Variants in APOO observed in about 807,000 individuals in gnomAD.
The protein encoded by APOO is apolipoprotein O.
Under a neutral mutation model 23.1 loss-of-function variants are expected in APOO, and 11 were observed. The ratio of observed to expected loss-of-function variants is 0.48; its 90% CI spans 0.30 to 0.79. The LOEUF is 0.79. APOO is among the 30% of genes least tolerant of loss of function. APOO has a pLI of 0.07. For synonymous variants in APOO, 59 were observed against 54.8 expected, an observed-to-expected ratio of 1.08 and a Z score of -0.34; for missense variants, 160 against 142.7, an observed-to-expected ratio of 1.12 and a Z score of -0.62.
intron 1 of APOO, among the ~76,000 whole-genome samples, chrX:23,888,501 A>G (rs978804730): frequency 1.8e-5 from 2 of 111,796 alleles, no homozygotes; most frequent in African/African-American, 6.5e-5. Flanking sequence ...GCTTCCAGGA[A>G]GCTTATGAAT....
chrX:23,873,670 T>C (rs918167263), intron 4 of APOO, among the ~76,000 whole-genome samples: 6 of 111,450 alleles, frequency 5.4e-5, no homozygotes, highest in African/African-American at 2.0e-4. Context: ...ACGATAAATT[T>C]ATCTGACAGT....
At chrX:23,849,739 A>G (rs1924443715) in intron 7 of APOO, among the ~76,000 whole-genome samples, 1 of 108,771 alleles carries the variant, frequency 9.2e-6, no homozygotes, top group Admixed American at 1.0e-4. Flanking sequence ...TAAAAATACA[A>G]AAATTAGGCG....
At chrX:23,906,840 G>A (rs183368851) in intron 1 of APOO, among the ~76,000 whole-genome samples, 1 of 112,200 alleles carries the variant, frequency 8.9e-6, no homozygotes, top group African/African-American at 3.2e-5. Context: ...GGACTAGAAG[G>A]CAGAATGCAT....
rs768247035 is a variant in APOO at position 23,840,331 on chromosome X, CATGGAGTT to C, written c.*3_*10del. ...TTTTTACCTGATTAAGATGGCAGAG[CATGGAGTT>C]TTCTACTTAGTTCCAGGTGAATTCT... On this transcript the variant is annotated 3_prime_UTR_variant, in exon 8 of 9. Transcript: ENST00000379226. 1 of 1,189,873 alleles carries C rather than the reference CATGGAGTT, an allele frequency of 8.4e-7. No individual in the cohort carries two copies. The highest frequency in any genetic ancestry group is 1.9e-5 in the South Asian group (1 of 51,932).
At chrX:23,878,842 T>C in intron 3 of APOO, 73 bp downstream of exon 3, 1 of 1,114,089 alleles carries the variant, frequency 9.0e-7, no homozygotes, top group South Asian at 2.1e-5. Context: ...TCCAAAAACA[T>C]GCAGCCAATA....
At chrX:23,874,533 T>C in intron 3 of APOO, 76 bp from the exon 4 acceptor site, 5 of 824,607 alleles carry the variant, frequency 6.1e-6, no homozygotes, top group Non-Finnish European at 5.5e-6. Context: ...ATAAATATAC[T>C]TGTTTTTACT....
intron 5 of APOO, among the ~76,000 whole-genome samples, chrX:23,864,291 G>A (rs112555794): frequency 0.017 from 1,782 of 105,466 alleles, 32 homozygotes; most frequent in African/African-American, 0.053. Context: ...CACCATACCC[G>A]GCTGATTTGT....
intron 1 of APOO, among the ~76,000 whole-genome samples, chrX:23,885,304 CAGG>C (rs1271675891): frequency 9.2e-6 from 1 of 109,274 alleles, no homozygotes; most frequent in East Asian, 2.9e-4. Flanking sequence ...GAGGCTGAGG[CAGG>C]AGAATTGCTT....
At chrX:23,846,392 C>T (rs370553409) in intron 7 of APOO, among the ~76,000 whole-genome samples, 1 of 105,477 alleles carries the variant, frequency 9.5e-6, no homozygotes, top group Non-Finnish European at 1.9e-5. Flanking sequence ...GAGGCTGAGG[C>T]GGGTGGATCA....
chrX:23,836,643 C>T lies in APOO; in HGVS notation c.*30-3031G>A, dbSNP rs1231695847. 230 of 524,667 alleles carry T rather than the reference C, an allele frequency of 4.4e-4. 3 individuals carry two copies. The highest frequency in any genetic ancestry group is 4.0e-3 in the Admixed American group (68 of 17,037). 43.2% of individuals were successfully genotyped at this position (524,667 alleles called of 1,213,427 possible). ...CTAATTTCTTTTTTTTTTTTTTTTC[C>T]CCAAATCAATAGGTCTTTTATTGCA... is the stretch of plus-strand genomic sequence containing the variant. On this transcript the variant is annotated intron_variant, in intron 8 of 8. Transcript: ENST00000379226.
At chrX:23,858,913 C>T (rs760286358) in intron 5 of APOO, among the ~76,000 whole-genome samples, 180 bp from the exon 6 acceptor site, 1 of 111,550 alleles carries the variant, frequency 9.0e-6, no homozygotes, top group Admixed American at 9.6e-5. Flanking sequence ...CCAGCCTGGG[C>T]AACATAGTCA....
At chrX:23,860,691 T>TC (rs1368441768) in intron 5 of APOO, among the ~76,000 whole-genome samples, 8 of 108,244 alleles carry the variant, frequency 7.4e-5, no homozygotes, top group Non-Finnish European at 1.5e-4. Flanking sequence ...TTTTTTTTTT[T>TC]CTGTAGTTTT....
At chrX:23,867,542 CCT>C (rs1208637527) in intron 5 of APOO, among the ~76,000 whole-genome samples, 1 of 110,874 alleles carries the variant, frequency 9.0e-6, no homozygotes, top group Non-Finnish European at 1.9e-5. Context: ...GCCAAATAAA[CCT>C]CTTTTTTTTT....
intron 1 of APOO, among the ~76,000 whole-genome samples, chrX:23,899,068 C>T (rs1927023260): frequency 8.9e-6 from 1 of 112,301 alleles, no homozygotes; most frequent in Non-Finnish European, 1.9e-5. Context: ...GTGGATCTAT[C>T]TCTAGCTCCC....
At chrX:23,907,133 C>A (rs371468051) in intron 1 of APOO, among the ~76,000 whole-genome samples, 1 of 111,848 alleles carries the variant, frequency 8.9e-6, no homozygotes, top group East Asian at 2.8e-4. Context: ...CCAAAGGACA[C>A]GAGTTCACAA....
In APOO at chrX:23,889,612, G is replaced by A. The variant is rs142396059; in HGVS notation, c.10-8660C>T. On this transcript the variant is annotated intron_variant, in intron 1 of 8. Transcript: ENST00000379226. ...GCCAGCTTCATGATAGAAGGCTTTT[G>A]CAGGCCTGTGTACACAAGAGGTTTC... Among the ~76,000 whole-genome samples, 54 of 105,967 alleles carry A rather than the reference G, an allele frequency of 5.1e-4. No homozygotes were observed. In the East Asian group the frequency reaches 5.7e-3, roughly 11 times the overall value. 92.0% of individuals were successfully genotyped at this position (105,967 alleles called of 115,157 possible).
At chrX:23,890,445 G>C (rs1926603836) in intron 1 of APOO, among the ~76,000 whole-genome samples, 1 of 112,130 alleles carries the variant, frequency 8.9e-6, no homozygotes, top group African/African-American at 3.2e-5. Context: ...AGCTTCTAGA[G>C]TGCTAGTATG....
At chrX:23,889,896 C>T (rs1009472042) in intron 1 of APOO, among the ~76,000 whole-genome samples, 10 of 109,810 alleles carry the variant, frequency 9.1e-5, no homozygotes, top group African/African-American at 2.7e-4. Context: ...CTTCTGACCT[C>T]GTGATCCGCC....
chrX:23,907,652 G>T, intron 1 of APOO, 42 bp downstream of exon 1: 1 of 1,147,284 alleles, frequency 8.7e-7, no homozygotes, highest in Non-Finnish European at 1.2e-6. Flanking sequence ...CGGGCGGCCG[G>T]GAGGGGGCGG....
Sources: allele counts gnomAD v4.1 joint callset (sites outside exome capture counted in the v4.1 genomes callset), GRCh38; gene constraint gnomAD v4.1.1; transcripts MANE v1.5; gene names NCBI Gene and HGNC (gene_info 2026-07-23, HGNC 2026-07-21).